Variants in YWHAG observed in about 807,000 individuals in gnomAD.
YWHAG encodes the protein tyrosine 3-monooxygenase/tryptophan 5-monooxygenase activation protein gamma.
Under a neutral mutation model 23.3 loss-of-function variants are expected in YWHAG, and 1 was observed. The observed-to-expected ratio is 0.04, with a 90% confidence interval of 0.02 to 0.20. YWHAG has a LOEUF of 0.20. YWHAG is among the 10% of genes least tolerant of loss of function. The pLI, the probability that YWHAG is intolerant of heterozygous loss-of-function variation, is 1.00. For missense variants in YWHAG, 151 were observed against 338.6 expected (o/e 0.45, Z 4.35); for synonymous variants, 160 against 144.0 (o/e 1.11, Z -0.80).
intron 1 of YWHAG, among the ~76,000 whole-genome samples, chr7:76,348,116 T>C (rs1803811257): frequency 6.6e-6 from 1 of 152,172 alleles, no homozygotes; most frequent in Admixed American, 6.5e-5. Flanking sequence ...TATGCAGCAG[T>C]TTAAAAGGAT....
intron 1 of YWHAG, among the ~76,000 whole-genome samples, chr7:76,344,212 G>T (rs1803742785): frequency 6.6e-6 from 1 of 152,076 alleles, no homozygotes; most frequent in South Asian, 2.1e-4. Flanking sequence ...CCAGGTCCAA[G>T]AGATGCTCCC....
At chr7:76,346,255 C>A (rs150994890) in intron 1 of YWHAG, among the ~76,000 whole-genome samples, 24 of 152,310 alleles carry the variant, frequency 1.6e-4, no homozygotes, top group African/African-American at 5.5e-4. Context: ...TTTCCTTCCT[C>A]GTTCCAGTCA....
intron 1 of YWHAG, among the ~76,000 whole-genome samples, chr7:76,340,746 G>C (rs1044183149): frequency 1.3e-5 from 2 of 152,170 alleles, no homozygotes; most frequent in African/African-American, 4.8e-5. Flanking sequence ...TGCCAGTTCA[G>C]ATGGGAACCA....
At position 76,358,818 on chromosome 7, in the gene YWHAG, G is replaced by A; in HGVS notation, c.-10C>T. On this transcript the variant is annotated 5_prime_UTR_variant, in exon 1 of 2. Coordinates refer to ENST00000307630, the MANE Select transcript of YWHAG (RefSeq NM_012479.4). ...GCTCGCGGTCCACCATCTTCGCGGG[G>A]CTGGGTCTGGCCGGAGAAGGAGGAG... The A allele has an allele frequency of 1.3e-6, 2 of 1,588,878 alleles. No homozygotes were observed. The highest frequency in any genetic ancestry group is 1.7e-6 in the Non-Finnish European group (2 of 1,169,012).
At chr7:76,350,098 G>C (rs765534084) in intron 1 of YWHAG, among the ~76,000 whole-genome samples, 1 of 152,194 alleles carries the variant, frequency 6.6e-6, no homozygotes, top group Non-Finnish European at 1.5e-5. Flanking sequence ...CTGGGTGTAC[G>C]GGGGTTACTG....
intron 1 of YWHAG, among the ~76,000 whole-genome samples, chr7:76,351,905 A>G: frequency 6.6e-6 from 1 of 152,172 alleles, no homozygotes; most frequent in South Asian, 2.1e-4. Flanking sequence ...CACCCAGTCC[A>G]TGGAAAAACT....
At chr7:76,344,696 A>G (rs1222957404) in intron 1 of YWHAG, among the ~76,000 whole-genome samples, 4 of 152,130 alleles carry the variant, frequency 2.6e-5, no homozygotes, top group African/African-American at 7.2e-5. Context: ...TACCACTTCC[A>G]TTATCCCAAG....
At chr7:76,340,319 C>T (rs984921448) in intron 1 of YWHAG, among the ~76,000 whole-genome samples, 1 of 152,206 alleles carries the variant, frequency 6.6e-6, no homozygotes, top group Admixed American at 6.5e-5. Flanking sequence ...ATTTCCTATA[C>T]TTGAATCATA....
intron 1 of YWHAG, among the ~76,000 whole-genome samples, chr7:76,357,615 T>G (rs903704427): frequency 3.3e-5 from 5 of 152,196 alleles, no homozygotes; most frequent in African/African-American, 1.2e-4. Flanking sequence ...GCGATCGGTA[T>G]TCTCTTTTCA....
chr7:76,327,444 C>G lies in YWHAG; in HGVS notation c.*2133G>C, dbSNP rs1443740115. The stretch of plus-strand genomic sequence containing the variant: ...CTTTAAAAATAAAGAAAAGAAAAAC[C>G]ATTCAAGCTGCTTAAATATCAAGTC... On this transcript the variant is annotated 3_prime_UTR_variant, in exon 2 of 2. Coordinates refer to ENST00000307630, the MANE Select transcript of YWHAG (RefSeq NM_012479.4). The G allele has an allele frequency of 2.6e-5, 4 of 152,484 alleles. No individual in the cohort carries two copies. The highest frequency in any genetic ancestry group is 7.2e-5 in the African/African-American group (3 of 41,384). 9.4% of individuals were successfully genotyped at this position (152,484 alleles called of 1,614,324 possible).
intron 1 of YWHAG, among the ~76,000 whole-genome samples, chr7:76,335,738 G>C (rs1291787392): frequency 6.6e-6 from 1 of 152,178 alleles, no homozygotes; most frequent in African/African-American, 2.4e-5. Context: ...ATCACTTGAG[G>C]TCAGTAGTTT....
chr7:76,352,270 C>T (rs916013466), intron 1 of YWHAG, among the ~76,000 whole-genome samples: 10 of 152,308 alleles, frequency 6.6e-5, no homozygotes, highest in South Asian at 2.1e-4. Flanking sequence ...ATCATCTCTA[C>T]GGCTTCAAAA....
rs1803468436 is a variant in YWHAG, at chr7:76,327,686, C to CCCCG, written c.*1890_*1891insCGGG. On this transcript the variant is annotated 3_prime_UTR_variant, in exon 2 of 2. Transcript: ENST00000307630. ...CTACCCTGCCCCCCCCCCCCTCCCCCCCCAAATCGTCTTCCTCCCATGGCA... is the reference window on the plus strand; with the variant it reads ...CTACCCTGCCCCCCCCCCCCTCCCCCCCCGCCCAAATCGTCTTCCTCCCATGGCA... 8.5e-6 allele frequency: 1 copy of CCCCG among 116,976 alleles called. No individual in the cohort carries two copies. Among genetic ancestry groups the CCCCG allele is most frequent in the African/African-American group, 3.3e-5 (1 of 29,904 alleles). The allele number at this position is 116,976 out of a possible 1,614,324, so 7.2% of individuals were successfully genotyped here.
intron 1 of YWHAG, among the ~76,000 whole-genome samples, chr7:76,356,215 A>G (rs1803953230): frequency 6.6e-6 from 1 of 152,250 alleles, no homozygotes; most frequent in Non-Finnish European, 1.5e-5. Context: ...ATAAACAGGA[A>G]GAAAATTTCT....
In YWHAG at chr7:76,358,742, T is replaced by A; in HGVS notation, c.67A>T (p.Met23Leu). 6.3e-7 allele frequency: 1 copy of A among 1,591,770 alleles called. No individual in the cohort carries two copies. The highest frequency in any genetic ancestry group is 8.5e-7 in the Non-Finnish European group (1 of 1,170,596). ...LAEQAERYDD[M>L]AAAMKNVTEL... ...CTCACGTTCTTCATGGCCGCGGCCA[T>A]GTCGTCGTAGCGCTCCGCCTGCTCG... Residue 23 changes from methionine to leucine, a missense_variant, in exon 1 of 2, where the codon ATG (methionine) becomes TTG (leucine). Transcript: ENST00000307630.
At chr7:76,333,021 A>G (rs1803568276) in intron 1 of YWHAG, among the ~76,000 whole-genome samples, 1 of 152,072 alleles carries the variant, frequency 6.6e-6, no homozygotes, top group Non-Finnish European at 1.5e-5. Context: ...ATCCGCTGGA[A>G]GTGCAGTGGC....
intron 1 of YWHAG, among the ~76,000 whole-genome samples, chr7:76,333,034 T>C (rs111833673): frequency 0.013 from 1,981 of 152,050 alleles, 21 homozygotes; most frequent in South Asian, 0.027. Flanking sequence ...GCAGTGGCAC[T>C]ATCTTGGCTC....
At chr7:76,340,008 G>A (rs573700573) in intron 1 of YWHAG, among the ~76,000 whole-genome samples, 2 of 152,254 alleles carry the variant, frequency 1.3e-5, no homozygotes, top group South Asian at 4.2e-4. Flanking sequence ...AGAATTGCTT[G>A]AACCTGGGAG....
chr7:76,355,761 ACTG>A lies in YWHAG; in HGVS notation c.87+2958_87+2960del, dbSNP rs1336010757. 3.9e-5 allele frequency among the ~76,000 whole-genome samples: 6 copies of A among 152,310 alleles called. No homozygotes were observed. In the East Asian group the frequency reaches 1.2e-3, roughly 29 times the overall value. ...GCCCTCCCACCCCTCATTGAGTTAA[ACTG>A]CTTAACTCAGTAACTTCAACAAAAT... is the stretch of plus-strand genomic sequence containing the variant. On this transcript the variant is annotated intron_variant, in intron 1 of 1. Transcript: ENST00000307630.
Sources: gnomAD v4.1 joint callset for allele counts (sites outside exome capture counted in the v4.1 genomes callset) on GRCh38, gnomAD v4.1.1 for gene constraint, MANE v1.5 for transcripts, NCBI Gene and HGNC (gene_info 2026-07-23, HGNC 2026-07-21) for gene names.